Variants in HDAC9 observed in about 807,000 individuals in gnomAD.
HDAC9 encodes MEF-2 interacting transcription repressor (MITR) protein.
Under a neutral mutation model 139.4 loss-of-function variants are expected in HDAC9, and 41 were observed. The ratio of observed to expected loss-of-function variants is 0.29; its 90% CI spans 0.23 to 0.38. HDAC9 has a LOEUF of 0.38. Ranked by LOEUF, HDAC9 falls within the 10% of genes least tolerant of loss-of-function variation. HDAC9 has a pLI of 1.00. For missense variants in HDAC9, 1,147 were observed against 1,297.0 expected (o/e 0.88, Z 1.78); for synonymous variants, 517 against 476.2 (o/e 1.09, Z -1.12).
At chr7:18,457,389 G>C (rs961374692) in intron 1 of HDAC9, among the ~76,000 whole-genome samples, 1 of 152,054 alleles carries the variant, frequency 6.6e-6, no homozygotes, top group African/African-American at 2.4e-5. Flanking sequence ...AAATAAAATT[G>C]CTTCAGTGAA....
At position 18,853,104 on chromosome 7, in the gene HDAC9, C is replaced by T. The variant is rs144290769; in HGVS notation, c.2684+17107C>T. On this transcript the variant is annotated intron_variant, in intron 21 of 25. Coordinates refer to ENST00000686413, the MANE Select transcript of HDAC9 (RefSeq NM_178425.4). ...GCTAGTCCCTGAGTCGGCCTGGCTC[C>T]GACTTTCCACCGAAGGGGTAGAGTT... Among the ~76,000 whole-genome samples, 59 of 152,118 alleles carry T rather than the reference C, an allele frequency of 3.9e-4. No homozygotes were observed. In the South Asian group the frequency reaches 4.2e-3, roughly 11 times the overall value.
At chr7:18,557,340 T>G (rs967313711) in intron 2 of HDAC9, among the ~76,000 whole-genome samples, 7 of 63,432 alleles carry the variant, frequency 1.1e-4, no homozygotes, top group African/African-American at 2.8e-4. Context: ...CAATGATGAG[T>G]TTTTTTTTTT....
At chr7:18,891,920 T>C (rs1039016089) in intron 22 of HDAC9, among the ~76,000 whole-genome samples, 1 of 152,198 alleles carries the variant, frequency 6.6e-6, no homozygotes, top group African/African-American at 2.4e-5. Context: ...GCTTATCTAT[T>C]TGATGACACC....
rs373011100 is a variant in HDAC9 at position 18,797,702 on chromosome 7, G to A, written c.2322+4250G>A. Reference sequence around the variant, plus strand: ...AAATTAGCCAGGTGTGTTGGCAGGCGCCTGTAATCCCAGCTATGTGGGAGG... The same window carrying A: ...AAATTAGCCAGGTGTGTTGGCAGGCACCTGTAATCCCAGCTATGTGGGAGG... On this transcript the variant is annotated intron_variant, in intron 17 of 25. Transcript: ENST00000686413. 2.1e-4 allele frequency among the ~76,000 whole-genome samples: 32 copies of A among 151,962 alleles called. 1 individual carries two copies. The South Asian group carries it at 3.3e-3, about 16-fold the overall frequency.
At chr7:18,898,286 C>T (rs867452908) in intron 22 of HDAC9, among the ~76,000 whole-genome samples, 7 of 151,814 alleles carry the variant, frequency 4.6e-5, no homozygotes, top group Admixed American at 6.6e-5. Flanking sequence ...AGAAGTACAT[C>T]AGATTACCTG....
At chr7:18,355,814 G>A (rs952121126) in intron 1 of HDAC9, among the ~76,000 whole-genome samples, 6 of 152,146 alleles carry the variant, frequency 3.9e-5, no homozygotes, top group Non-Finnish European at 1.5e-5. Context: ...GCCTTGTCAT[G>A]TTATGAAGCA....
chr7:18,294,704 C>T (rs149702447), intron 1 of HDAC9, among the ~76,000 whole-genome samples: 58 of 152,136 alleles, frequency 3.8e-4, no homozygotes, highest in Non-Finnish European at 5.9e-4. Context: ...AAGGTTTACA[C>T]GGGGAGTTGC....
chr7:18,374,854 G>A (rs561025830), intron 1 of HDAC9, among the ~76,000 whole-genome samples: 2 of 152,210 alleles, frequency 1.3e-5, no homozygotes, highest in Admixed American at 1.3e-4. Context: ...GATTATAATG[G>A]AGCTGAAAAG....
At position 18,195,649 on chromosome 7, in the gene HDAC9, G is replaced by C. The variant is rs541053063; in HGVS notation, c.25+33300G>C. Among the ~76,000 whole-genome samples, 7 of 152,262 alleles carry C rather than the reference G, an allele frequency of 4.6e-5. 1 individual carries two copies. The highest frequency in any genetic ancestry group is 1.4e-4 in the African/African-American group (6 of 41,560). On this transcript the variant is annotated intron_variant, in intron 2 of 12. Coordinates refer to the HDAC9 transcript ENST00000417496. The stretch of plus-strand genomic sequence containing the variant: ...TTGGCTCCATGCTTCAGCCGGGCCT[G>C]CTTCTCCTCAGCCCTACTCAAGTCA...
Position 18,835,484 on chromosome 7 carries a change from C to G in HDAC9, c.2484C>G (p.Asn828Lys). 6.2e-7 allele frequency: 1 copy of G among 1,613,202 alleles called. No homozygotes were observed. The highest frequency in any genetic ancestry group is 8.5e-7 in the Non-Finnish European group (1 of 1,179,412). ...LIVDLDVHHG[N>K]GTQQAFYADP... Reference sequence around the variant, plus strand: ...CCCTGTAGGATGTTCACCATGGAAACGGTACCCAGCAGGCCTTTTATGCTG... The same window carrying G: ...CCCTGTAGGATGTTCACCATGGAAAGGGTACCCAGCAGGCCTTTTATGCTG... The change falls in exon 20 of 26, where the codon AAC becomes AAG. Residue 828 changes from asparagine to lysine, a missense_variant. Physicochemically the swap from Asn to Lys is moderately conservative, Grantham distance 94. Around this residue, in one of 7 missense-constraint regions of HDAC9, gnomAD observed 407 missense variants for 521.5 expected, o/e 0.78. Coordinates refer to ENST00000686413, the MANE Select transcript of HDAC9 (RefSeq NM_178425.4).
chr7:18,851,591 C>T (rs879867692), intron 21 of HDAC9: 3 of 152,110 alleles, frequency 2.0e-5, no homozygotes, highest in Admixed American at 6.6e-5. Flanking sequence ...GTTCGTATTA[C>T]CTCTTAGTAA....
intron 2 of HDAC9, among the ~76,000 whole-genome samples, chr7:18,197,606 G>T (rs1265836944): frequency 6.6e-6 from 1 of 152,098 alleles, no homozygotes; most frequent in African/African-American, 2.4e-5. Flanking sequence ...TTTGACTGAG[G>T]TTCTTCAGGT....
intron 17 of HDAC9, among the ~76,000 whole-genome samples, chr7:18,812,111 T>G (rs1372643432): frequency 6.6e-6 from 1 of 151,896 alleles, no homozygotes; most frequent in Non-Finnish European, 1.5e-5. Context: ...CTTTTAAATG[T>G]TATATTGTTG....
intron 22 of HDAC9, among the ~76,000 whole-genome samples, 184 bp from the exon 23 acceptor site, chr7:18,935,625 C>T (rs190750169): frequency 6.6e-6 from 1 of 152,174 alleles, no homozygotes; most frequent in East Asian, 1.9e-4. Context: ...GGCTTTGGGT[C>T]CCTTATCTGT....
At chr7:18,159,780 C>T (rs558701945) in intron 1 of HDAC9, among the ~76,000 whole-genome samples, 1 of 152,088 alleles carries the variant, frequency 6.6e-6, no homozygotes, top group South Asian at 2.1e-4. Context: ...ATAGAAATGC[C>T]TATTCATTTT....
chr7:18,132,048 A>G (rs1264313991), intron 1 of HDAC9, among the ~76,000 whole-genome samples: 1 of 152,148 alleles, frequency 6.6e-6, no homozygotes, highest in African/African-American at 2.4e-5. Flanking sequence ...GAGATATAAG[A>G]GTTGAATGTG....
chr7:18,758,912 A>G (rs905692102), intron 14 of HDAC9, among the ~76,000 whole-genome samples: 1 of 152,028 alleles, frequency 6.6e-6, no homozygotes, highest in Non-Finnish European at 1.5e-5. Flanking sequence ...AAGAATAAGT[A>G]CTTCCTTATA....
At chr7:18,280,137 T>C (rs1416431983) in intron 2 of HDAC9, among the ~76,000 whole-genome samples, 1 of 152,140 alleles carries the variant, frequency 6.6e-6, no homozygotes, top group Non-Finnish European at 1.5e-5. Context: ...TTCGTGAGAC[T>C]TATGTATAAT....
At chr7:18,838,807 T>A (rs1235871668) in intron 21 of HDAC9, among the ~76,000 whole-genome samples, 1 of 151,970 alleles carries the variant, frequency 6.6e-6, no homozygotes, top group Non-Finnish European at 1.5e-5. Context: ...CTTACAAGTA[T>A]CTTTTGAAGG....
Sources: gnomAD v4.1 joint callset for allele counts (sites outside exome capture counted in the v4.1 genomes callset) on GRCh38, gnomAD v4.1.1 for gene constraint, gnomAD v4.1.1 regional missense constraint, MANE v1.5 for transcripts, NCBI Gene and HGNC (gene_info 2026-07-23, HGNC 2026-07-21) for gene names.